FXN: variants seen among roughly 807,000 people sequenced by gnomAD.
FXN encodes the protein frataxin, mitochondrial.
FXN carries 14 observed loss-of-function variants against 22.4 expected under a neutral mutation model. The ratio of observed to expected loss-of-function variants is 0.62; its 90% CI spans 0.41 to 0.98. FXN has a LOEUF of 0.98. Among genes scored for constraint, FXN ranks in the 50% least tolerant of loss-of-function variants. The probability of loss-of-function intolerance (pLI) is 0.00; values close to 1 mark genes in which losing one functional copy is unlikely to be tolerated. For missense variants in FXN, 267 were observed against 268.4 expected (o/e 0.99, Z 0.04); for synonymous variants, 120 against 114.1 (o/e 1.05, Z -0.33).
At position 69,074,519 on chromosome 9, in the gene FXN, CA is replaced by C. The variant is rs34933249; in HGVS notation, c.*1771del. 65,367 of 700,494 alleles carry C rather than the reference CA, an allele frequency of 0.093. 222 individuals are homozygous for C. The highest frequency in any genetic ancestry group is 0.13 in the Middle Eastern group (176 of 1,376). 43.4% of individuals were successfully genotyped at this position (700,494 alleles called of 1,614,324 possible). ...TGAGCGACAGAGCGAGACTCCGTCTCAAAAAAAAAAAAAAGGAGGGTTTATT... is the reference window on the plus strand; with the variant it reads ...TGAGCGACAGAGCGAGACTCCGTCTCAAAAAAAAAAAAAGGAGGGTTTATT... On this transcript the variant is annotated 3_prime_UTR_variant, in exon 5 of 5. Transcript: ENST00000484259.
At chr9:69,070,451 G>A (rs1205704223) in intron 4 of FXN, among the ~76,000 whole-genome samples, 1 of 152,194 alleles carries the variant, frequency 6.6e-6, no homozygotes, top group Non-Finnish European at 1.5e-5. Context: ...GGCCACCAGG[G>A]CCACCAGGAG....
Position 69,076,024 on chromosome 9 carries a change from T to C in FXN, c.*3262T>C. The C allele has an allele frequency of 1.0e-6, 1 of 984,384 alleles. No homozygotes were observed. 61.0% of individuals were successfully genotyped at this position (984,384 alleles called of 1,614,324 possible). A position where few individuals can be genotyped will look rare whatever the true frequency, so the allele number is the denominator to read the frequency against. ...TTCATCAGAAAGCTTTTTCTATTAT[T>C]TTTACCTTCTTGAGTGGGTAGAACC... On this transcript the variant is annotated 3_prime_UTR_variant, in exon 5 of 5. Transcript: ENST00000484259.
At chr9:69,035,994 G>C (rs1831543669) in intron 1 of FXN, 47 bp downstream of exon 1, 1 of 1,304,898 alleles carries the variant, frequency 7.7e-7, no homozygotes, top group Non-Finnish European at 9.7e-7. Flanking sequence ...GCCGCGGGCC[G>C]CACGCCGCAC....
rs780387020 is a variant in FXN at position 69,065,012 on chromosome 9, A to C, written c.459A>C (p.Gln153His). 1 of 1,613,946 alleles carries C rather than the reference A, an allele frequency of 6.2e-7. No individual in the cohort carries two copies. Among genetic ancestry groups the C allele is most frequent in the Admixed American group, 1.7e-5 (1 of 60,014 alleles). The change falls in exon 4 of 5, where the codon CAA becomes CAC. Residue 153 changes from glutamine (Q) to histidine (H), a missense_variant. Coordinates refer to ENST00000484259, the MANE Select transcript of FXN (RefSeq NM_000144.5). ...YVINKQTPNK[Q>H]IWLSSPSSGP... ...TCAACAAGCAGACGCCAAACAAGCA[A>C]ATCTGGCTATCTTCTCCATCCAGGT... is the stretch of plus-strand genomic sequence containing the variant.
rs192132322 is a variant in FXN, at chr9:69,045,517, C to T, written c.166-868C>T. Among the ~76,000 whole-genome samples, 267 of 152,010 alleles carry T rather than the reference C, an allele frequency of 1.8e-3. 3 individuals carry two copies. In the South Asian group the frequency reaches 0.034, roughly 19 times the overall value. Reference sequence around the variant, plus strand: ...CTGAGGCACGAGAATCACTCGAACCCGGGAGGCGGGGGTTGCAGTGAGCCG... The same window carrying T: ...CTGAGGCACGAGAATCACTCGAACCTGGGAGGCGGGGGTTGCAGTGAGCCG... On this transcript the variant is annotated intron_variant, in intron 1 of 4. Transcript: ENST00000484259.
In FXN at chr9:69,035,990, GGCCGCAC is replaced by G. The variant is rs571572380; in HGVS notation, c.165+54_165+60del. On this transcript the variant is annotated intron_variant, in intron 1 of 4. Transcript: ENST00000484259. ...GAACAGCCGCGGGCCGCACGCCGCG[GGCCGCAC>G]GCCGCACGCCTGCGCAGGGAGGCGC... is the stretch of plus-strand genomic sequence containing the variant. 5 of 1,374,194 alleles carry G rather than the reference GGCCGCAC, an allele frequency of 3.6e-6. No homozygotes were observed. The African/African-American group carries it at 6.3e-5, about 17-fold the overall frequency. 85.1% of individuals were successfully genotyped at this position (1,374,194 alleles called of 1,614,324 possible).
rs7875564 is a variant in FXN at position 69,076,047 on chromosome 9, A to T, written c.*3285A>T. On this transcript the variant is annotated 3_prime_UTR_variant, in exon 5 of 5. Transcript: ENST00000484259. The stretch of plus-strand genomic sequence containing the variant: ...ATTTTTACCTTCTTGAGTGGGTAGA[A>T]CCTCAGCCACATAGAAAATAAAATG... 1 of 979,324 alleles carries T rather than the reference A, an allele frequency of 1.0e-6. No individual in the cohort carries two copies. The highest frequency in any genetic ancestry group is 1.8e-5 in the African/African-American group (1 of 56,900). The allele number at this position is 979,324 out of a possible 1,614,324, so 60.7% of individuals were successfully genotyped here.
intron 3 of FXN, among the ~76,000 whole-genome samples, chr9:69,056,916 T>C (rs558158588): frequency 7.1e-6 from 1 of 141,092 alleles, no homozygotes; most frequent in African/African-American, 2.5e-5. Context: ...CTAATTTTTT[T>C]ATATTTTTAG....
chr9:69,062,721 A>AGG, intron 3 of FXN, among the ~76,000 whole-genome samples: 1 of 152,220 alleles, frequency 6.6e-6, no homozygotes, highest in South Asian at 2.1e-4. Context: ...GTGGTTACTA[A>AGG]GGGCTATGGG....
chr9:69,052,280 A>G (rs368826214), intron 2 of FXN, among the ~76,000 whole-genome samples: 1 of 151,776 alleles, frequency 6.6e-6, no homozygotes, highest in African/African-American at 2.4e-5. Flanking sequence ...CAGCCTCCCA[A>G]GTAGCTGGGA....
intron 2 of FXN, among the ~76,000 whole-genome samples, chr9:69,050,695 C>T (rs1831833492): frequency 6.6e-6 from 1 of 152,152 alleles, no homozygotes; most frequent in African/African-American, 2.4e-5. Flanking sequence ...TTAGTAGATA[C>T]TGTCCAACAG....
intron 4 of FXN, among the ~76,000 whole-genome samples, chr9:69,068,631 C>G (rs1455546872): frequency 1.3e-5 from 2 of 152,214 alleles, no homozygotes; most frequent in East Asian, 3.9e-4. Flanking sequence ...TATAAATACC[C>G]TGGGTGACCC....
chr9:69,046,279 C>G, intron 1 of FXN, 106 bp from the exon 2 acceptor site: 1 of 820,364 alleles, frequency 1.2e-6, no homozygotes, highest in Middle Eastern at 2.4e-4. Context: ...AAATGGAGCA[C>G]TCGGTTACAG....
At chr9:69,064,897 GT>G (rs753754474) in intron 3 of FXN, 40 bp from the exon 4 acceptor site, 6 of 1,296,072 alleles carry the variant, frequency 4.6e-6, no homozygotes, top group Non-Finnish European at 6.7e-6. Flanking sequence ...ACTTTTTCTT[GT>G]TTTAATTTCT....
In FXN at chr9:69,074,760, A is replaced by AT; in HGVS notation, c.*1999dup. 23 of 893,346 alleles carry AT rather than the reference A, an allele frequency of 2.6e-5. No homozygotes were observed. The highest frequency in any genetic ancestry group is 3.1e-5 in the Non-Finnish European group (23 of 746,458). The allele number at this position is 893,346 out of a possible 1,614,324, so 55.3% of individuals were successfully genotyped here. On this transcript the variant is annotated 3_prime_UTR_variant, in exon 5 of 5. Coordinates refer to ENST00000484259, the MANE Select transcript of FXN (RefSeq NM_000144.5). ...TAAAAAAAGAAAAAAAAACCTATTA[A>AT]TAATAAAACAGTATAAACAAAAGCT...
At chr9:69,044,399 C>T (rs1181230245) in intron 1 of FXN, among the ~76,000 whole-genome samples, 1 of 152,138 alleles carries the variant, frequency 6.6e-6, no homozygotes, top group Non-Finnish European at 1.5e-5. Flanking sequence ...CTGCACTCTG[C>T]CCCACCCTCC....
In FXN at chr9:69,075,605, C is replaced by T. The variant is rs1394930375; in HGVS notation, c.*2843C>T. On this transcript the variant is annotated 3_prime_UTR_variant, in exon 5 of 5. Transcript: ENST00000484259. ...CCACCACAGACCCTGGGAGCATCGCCTCATTTATGGTGTGGTCCAGTCATC... is the reference window on the plus strand; with the variant it reads ...CCACCACAGACCCTGGGAGCATCGCTTCATTTATGGTGTGGTCCAGTCATC... 3 of 985,204 alleles carry T rather than the reference C, an allele frequency of 3.0e-6. No homozygotes were observed. Among genetic ancestry groups the T allele is most frequent in the Non-Finnish European group, 2.4e-6 (2 of 829,886 alleles). 61.0% of individuals were successfully genotyped at this position (985,204 alleles called of 1,614,324 possible). A position where few individuals can be genotyped will look rare whatever the true frequency, so the allele number is the denominator to read the frequency against.
intron 3 of FXN, among the ~76,000 whole-genome samples, chr9:69,059,142 C>T (rs1179114913): frequency 6.6e-6 from 1 of 152,046 alleles, no homozygotes; most frequent in Non-Finnish European, 1.5e-5. Context: ...TTGGTGTTTG[C>T]CTTAAACTTG....
At position 69,076,530 on chromosome 9, in the gene FXN, T is replaced by C; in HGVS notation, c.*3768T>C. On this transcript the variant is annotated 3_prime_UTR_variant, in exon 5 of 5. Transcript: ENST00000484259. ...TCTTTTGCATACCTTCTAAAACTAT[T>C]TTAGCCAATTTAAAATTTGACAGTT... is the stretch of plus-strand genomic sequence containing the variant. 2 of 985,408 alleles carry C rather than the reference T, an allele frequency of 2.0e-6. No individual in the cohort carries two copies. The highest frequency in any genetic ancestry group is 2.4e-6 in the Non-Finnish European group (2 of 829,902). The allele number at this position is 985,408 out of a possible 1,614,324, so 61.0% of individuals were successfully genotyped here.
Sources: gnomAD v4.1 joint callset for allele counts (sites outside exome capture counted in the v4.1 genomes callset) on GRCh38, gnomAD v4.1.1 for gene constraint, MANE v1.5 for transcripts, NCBI Gene and HGNC (gene_info 2026-07-23, HGNC 2026-07-21) for gene names.